The following HRC variants were observed in gnomAD, a reference collection of about 807,000 sequenced individuals.
HRC encodes sarcoplasmic reticulum histidine-rich calcium-binding protein.
HRC carries 41 observed loss-of-function variants against 61.4 expected under a neutral mutation model. The observed-to-expected ratio is 0.67, with a 90% CI of 0.52 to 0.87. The LOEUF (loss-of-function observed/expected upper bound fraction) is 0.87. Ranked by LOEUF, HRC falls within the 40% of genes least tolerant of loss-of-function variation. The pLI, the probability that HRC is intolerant of heterozygous loss-of-function variation, is 0.00. For synonymous variants in HRC, 308 were observed against 326.6 expected, an observed-to-expected ratio of 0.94 and a Z score of 0.62; for missense variants, 839 against 885.8, an observed-to-expected ratio of 0.95 and a Z score of 0.67.
In HRC at chr19:49,154,854, A is replaced by C; in HGVS notation, c.384T>G (p.Gly128=). Residue 128 remains glycine, a synonymous_variant, in exon 1 of 6, where the codon GGT becomes GGG. Coordinates refer to ENST00000252825, the MANE Select transcript of HRC (RefSeq NM_002152.3). ...GGCCTCTGTGCCCACGGGCCTGCCC[A>C]CCATGCTCTGCAAAGACCTCCTCAC... is the stretch of plus-strand genomic sequence containing the variant. ...VSGEEVFAEH[G]GQARGHRGHG... is the part of the protein sequence containing the mutation. The C allele has an allele frequency of 6.2e-7, 1 of 1,613,640 alleles. No individual in the cohort carries two copies.
At chr19:49,152,436 G>A (rs2041370594) in intron 2 of HRC, 58 bp from the exon 3 acceptor site, 3 of 1,404,354 alleles carry the variant, frequency 2.1e-6, no homozygotes, top group Admixed American at 1.8e-5. Context: ...GGAGGTACCC[G>A]CCCCTGGCCC....
Position 49,151,203 on chromosome 19 carries a change from G to A in HRC, c.*93C>T, listed in dbSNP as rs2041353619. 1 of 1,143,040 alleles carries A rather than the reference G, an allele frequency of 8.7e-7. No homozygotes were observed. The allele number at this position is 1,143,040 out of a possible 1,614,324, so 70.8% of individuals were successfully genotyped here. A position where few individuals can be genotyped will look rare whatever the true frequency, so the allele number is the denominator to read the frequency against. On this transcript the variant is annotated 3_prime_UTR_variant, in exon 6 of 6. Transcript: ENST00000252825. ...CCCCACGTCTGACAATGAGGTTTCGGGGAGCACGTTTATTCGGAGAAATAA... is the reference window on the plus strand; with the variant it reads ...CCCCACGTCTGACAATGAGGTTTCGAGGAGCACGTTTATTCGGAGAAATAA...
chr19:49,151,747 T>A (rs2041361571), intron 4 of HRC, among the ~76,000 whole-genome samples, 194 bp from the exon 5 acceptor site: 1 of 152,092 alleles, frequency 6.6e-6, no homozygotes, highest in Non-Finnish European at 1.5e-5. Flanking sequence ...CCCCTTCGAT[T>A]CCTACTTGAG....
rs989931085 is a variant in HRC, at chr19:49,154,494, A to G, written c.744T>C (p.Asp248=). 178 of 1,487,342 alleles carry G rather than the reference A, an allele frequency of 1.2e-4. 1 individual carries two copies. The highest frequency in any genetic ancestry group is 3.6e-4 in the Middle Eastern group (2 of 5,632). 92.1% of individuals were successfully genotyped at this position (1,487,342 alleles called of 1,614,324 possible). Residue 248 remains aspartate, a synonymous_variant, in exon 1 of 6, where the codon GAT becomes GAC. Transcript: ENST00000252825. ...CATCATCATCATCATCATCATCATC[A>G]TCGTCATCTTCTTCATGGCCTTGGT... ...HRHQGHEEDD[D]DDDDDDDDDD...
rs764133314 is a variant in HRC, at chr19:49,155,081, C to T, written c.157G>A (p.Ala53Thr). 5 of 1,614,194 alleles carry T rather than the reference C, an allele frequency of 3.1e-6. No individual in the cohort carries two copies. The highest frequency in any genetic ancestry group is 2.2e-5 in the South Asian group (2 of 91,080). The change falls in exon 1 of 6, where the codon GCA becomes ACA. Residue 53 changes from alanine (A) to threonine (T), a missense_variant. Physicochemically the swap from Ala to Thr is moderately conservative, Grantham distance 58. Coordinates refer to ENST00000252825, the MANE Select transcript of HRC (RefSeq NM_002152.3). The surrounding 1 kb of genome is among the most constrained non-coding windows in gnomAD (Gnocchi z 4.7). ...AGGTGGTGGCGAAGCTCTGCTGATG[C>T]CTCCTCGGAGAGCCCGGCGACTCCA... ...STGVAGLSEE[A>T]SAELRHHLHS...
Position 49,154,348 on chromosome 19 carries a change from T to C in HRC, c.890A>G (p.His297Arg), listed in dbSNP as rs754061102. Reference sequence around the variant, plus strand: ...ATTGTCATCTTCTTCATGGCTTCGGTGCCTGTGGCTGGGGTCGCGATGATG... The same window carrying C: ...ATTGTCATCTTCTTCATGGCTTCGGCGCCTGTGGCTGGGGTCGCGATGATG... Reference protein sequence around the residue: ...GHHHRDPSHRHRSHEEDDNDD... With the variant: ...GHHHRDPSHRRRSHEEDDNDD... Residue 297 changes from histidine (H) to arginine (R), a missense_variant, in exon 1 of 6, where the codon CAC (histidine) becomes CGC (arginine). Physicochemically the swap from His to Arg is conservative, Grantham distance 29. Coordinates refer to ENST00000252825, the MANE Select transcript of HRC (RefSeq NM_002152.3). The C allele has an allele frequency of 4.3e-6, 7 of 1,612,724 alleles. No individual in the cohort carries two copies. In the African/African-American group the frequency reaches 9.4e-5, roughly 22 times the overall value.
At chr19:49,151,385 G>C (rs369594611) in intron 5 of HRC, 53 bp from the exon 6 acceptor site, 11 of 1,560,936 alleles carry the variant, frequency 7.0e-6, no homozygotes, top group South Asian at 3.5e-5. Flanking sequence ...GCCCACCCCA[G>C]GACGCTTAGA....
chr19:49,151,528 C>G lies in HRC; in HGVS notation c.2052G>C (p.Ser684=). Residue 684 remains serine, a synonymous_variant, in exon 5 of 6, where the codon TCG becomes TCC. Coordinates refer to ENST00000252825, the MANE Select transcript of HRC (RefSeq NM_002152.3). ...TTTTACACACTTACTGATAAAGGGA[C>G]GAGGAGAAATAGTCAACGTAGCTTC... ...APGSYVDYFS[S]SLYQALADML... 1 of 1,613,822 alleles carries G rather than the reference C, an allele frequency of 6.2e-7. No individual in the cohort carries two copies. The highest frequency in any genetic ancestry group is 8.5e-7 in the Non-Finnish European group (1 of 1,179,996).
rs1423057039 is a variant in HRC at position 49,155,148 on chromosome 19, G to A, written c.90C>T (p.Leu30=). The A allele has an allele frequency of 6.2e-7, 1 of 1,613,906 alleles. No homozygotes were observed. The highest frequency in any genetic ancestry group is 2.2e-5 in the East Asian group (1 of 44,866). The change falls in exon 1 of 6, where the codon CTC becomes CTT. Residue 30 remains leucine, a synonymous_variant. Transcript: ENST00000252825. This position sits in a 1 kb window ranked among gnomAD's most constrained non-coding sequence, Gnocchi z 4.7. ...LLLPPAMTQQ[L]RGDGLGFRNR... ...TTCTGAAGCCTAGCCCATCCCCTCT[G>A]AGCTGCTGGGTCATGGCCGGGGGGA... is the stretch of plus-strand genomic sequence containing the variant.
In HRC at chr19:49,153,614, CCTCCTT is replaced by C; in HGVS notation, c.1618_1623del (p.Lys540_Glu541del). ...TCCTCGTCTTCTTCCTCCTCCTCCT[CCTCCTT>C]GTCTTCCTCTTCTTCCTCCTCCTGG... On this transcript the variant is annotated inframe_deletion, in exon 1 of 6. Coordinates refer to ENST00000252825, the MANE Select transcript of HRC (RefSeq NM_002152.3). The surrounding 1 kb of genome is among the most constrained non-coding windows in gnomAD (Gnocchi z 4.8). 1 of 1,550,298 alleles carries C rather than the reference CCTCCTT, an allele frequency of 6.5e-7. No individual in the cohort carries two copies. Among genetic ancestry groups the C allele is most frequent in the South Asian group, 1.1e-5 (1 of 88,664 alleles).
Position 49,154,471 on chromosome 19 carries a change from TCA to T in HRC, c.765_766del (p.Asp255GlufsTer2), listed in dbSNP as rs2041398780. 1.3e-6 allele frequency: 2 copies of T among 1,582,770 alleles called. No individual in the cohort carries two copies. Among genetic ancestry groups the T allele is most frequent in the Admixed American group, 1.7e-5 (1 of 58,636 alleles). The stretch of plus-strand genomic sequence containing the variant: ...AATGGAGACATCATCATCATCATCA[TCA>T]TCATCATCATCATCATCATCATCGT... On this transcript the variant is annotated frameshift_variant, in exon 1 of 6. Coordinates refer to ENST00000252825, the MANE Select transcript of HRC (RefSeq NM_002152.3). LOFTEE classifies it high-confidence loss of function.
Position 49,154,632 on chromosome 19 carries a change from TTCCTCCTCC to T in HRC, c.597_605del (p.Glu202_Glu204del), listed in dbSNP as rs57199624. ...GTCCATACTCAGTGGAGGCCTCCTC[TTCCTCCTCC>T]TCCTCCTCCTCCTCCTCTTCTCCTT... On this transcript the variant is annotated inframe_deletion, in exon 1 of 6. Coordinates refer to ENST00000252825, the MANE Select transcript of HRC (RefSeq NM_002152.3). 29 of 1,579,420 alleles carry T rather than the reference TTCCTCCTCC, an allele frequency of 1.8e-5. No homozygotes were observed. Among genetic ancestry groups the T allele is most frequent in the Admixed American group, 8.6e-5 (5 of 57,938 alleles).
chr19:49,154,346 G>A lies in HRC; in HGVS notation c.892C>T (p.Arg298Ter), dbSNP rs148629919. Reference protein sequence around the residue: ...HHHRDPSHRHRSHEEDDNDDD... With the variant: ...HHHRDPSHRH The stretch of plus-strand genomic sequence containing the variant: ...TCATTGTCATCTTCTTCATGGCTTC[G>A]GTGCCTGTGGCTGGGGTCGCGATGA... The change falls in exon 1 of 6, where the codon CGA becomes TGA. Residue 298 changes from arginine to a stop codon, truncating the protein, a stop_gained. Coordinates refer to ENST00000252825, the MANE Select transcript of HRC (RefSeq NM_002152.3). LOFTEE classifies it high-confidence loss of function. 2.3e-5 allele frequency: 37 copies of A among 1,584,306 alleles called. 1 individual carries two copies. The highest frequency in any genetic ancestry group is 1.7e-4 in the Admixed American group (10 of 58,524).
chr19:49,152,364 ACAT>A lies in HRC; in HGVS notation c.1914_1916del (p.Glu638_Cys639delinsAsp). The A allele has an allele frequency of 1.2e-6, 2 of 1,610,796 alleles. No homozygotes were observed. On this transcript the variant is annotated inframe_deletion, in exon 3 of 6. Transcript: ENST00000252825. ...TCTCCTCATCACAGTGACAGCTCTC[ACAT>A]TCAGTGCATCGCTGGGGACCGGGGG...
chr19:49,151,359 A>G (rs771439394), intron 5 of HRC, 27 bp from the exon 6 acceptor site: 2 of 1,556,100 alleles, frequency 1.3e-6, no homozygotes, highest in Non-Finnish European at 8.7e-7. Context: ...CAGAAGTTAG[A>G]CAGCTGGTGT....
rs1267075988 is a variant in HRC at position 49,151,992 on chromosome 19, G to A, written c.2026+12C>T. Reference sequence around the variant, plus strand: ...CTTCCTCAGGTTTTTCCAGGGCCCCGCCCATGCTCACCTGGAGCGCAGACC... The same window carrying A: ...CTTCCTCAGGTTTTTCCAGGGCCCCACCCATGCTCACCTGGAGCGCAGACC... On this transcript the variant is annotated intron_variant, in intron 4 of 5. Transcript: ENST00000252825. The A allele has an allele frequency of 1.2e-6, 2 of 1,613,514 alleles. No individual in the cohort carries two copies. Among genetic ancestry groups the A allele is most frequent in the African/African-American group, 2.7e-5 (2 of 74,926 alleles).
At position 49,153,619 on chromosome 19, in the gene HRC, T is replaced by G. The variant is rs1467526439; in HGVS notation, c.1619A>C (p.Lys540Thr). 2 of 1,554,420 alleles carry G rather than the reference T, an allele frequency of 1.3e-6. No homozygotes were observed. The highest frequency in any genetic ancestry group is 2.2e-5 in the East Asian group (1 of 44,550). Reference sequence around the variant, plus strand: ...GTCTTCTTCCTCCTCCTCCTCCTCCTTGTCTTCCTCTTCTTCCTCCTCCTG... The same window carrying G: ...GTCTTCTTCCTCCTCCTCCTCCTCCGTGTCTTCCTCTTCTTCCTCCTCCTG... ...LNQEEEEEED[K>T]EEEEEEEDEE... Residue 540 changes from lysine to threonine, a missense_variant, in exon 1 of 6, where the codon AAG becomes ACG. Lys to Thr is a moderately conservative substitution (Grantham distance 78). Transcript: ENST00000252825. The surrounding 1 kb of genome is among the most constrained non-coding windows in gnomAD (Gnocchi z 4.8).
At chr19:49,151,691 C>G (rs1002428648) in intron 4 of HRC, 138 bp from the exon 5 acceptor site, 1 of 790,368 alleles carries the variant, frequency 1.3e-6, no homozygotes, top group East Asian at 2.6e-5. Flanking sequence ...TCCCTTCTAC[C>G]GGACCCCTTT....
In HRC at chr19:49,154,629, C is replaced by CTGT; in HGVS notation, c.608_609insACA (p.Glu203_Glu204insGln). On this transcript the variant is annotated inframe_insertion, in exon 1 of 6. Coordinates refer to ENST00000252825, the MANE Select transcript of HRC (RefSeq NM_002152.3). ...GGTGTCCATACTCAGTGGAGGCCTC[C>CTGT]TCTTCCTCCTCCTCCTCCTCCTCCT... is the stretch of plus-strand genomic sequence containing the variant. The CTGT allele has an allele frequency of 6.6e-7, 1 of 1,513,214 alleles. No individual in the cohort carries two copies. The highest frequency in any genetic ancestry group is 1.2e-5 in the South Asian group (1 of 85,526). The allele number at this position is 1,513,214 out of a possible 1,614,324, so 93.7% of individuals were successfully genotyped here.
Sources: allele counts gnomAD v4.1 joint callset (sites outside exome capture counted in the v4.1 genomes callset), GRCh38; gene constraint gnomAD v4.1.1; non-coding constraint Gnocchi (gnomAD v3.1); transcripts MANE v1.5; gene names NCBI Gene and HGNC (gene_info 2026-07-23, HGNC 2026-07-21).